Variants in MYOCD observed in about 807,000 individuals in gnomAD.
MYOCD encodes the protein myocardin.
A neutral mutation model predicts 96.1 loss-of-function variants in MYOCD; 32 were observed. The ratio of observed to expected loss-of-function variants is 0.33; its 90% CI spans 0.25 to 0.45. MYOCD has a LOEUF of 0.45. Ranked by LOEUF, MYOCD falls within the 20% of genes least tolerant of loss-of-function variation. MYOCD has a pLI of 1.00. For missense variants in MYOCD, 1,133 were observed against 1,200.6 expected, an observed-to-expected ratio of 0.94 and a Z score of 0.83; for synonymous variants, 469 against 469.0, an observed-to-expected ratio of 1.00 and a Z score of 0.00.
intron 9 of MYOCD, among the ~76,000 whole-genome samples, chr17:12,749,234 A>G (rs2032756690): frequency 6.6e-6 from 1 of 152,122 alleles, no homozygotes; most frequent in African/African-American, 2.4e-5. Context: ...TTGCTATTCA[A>G]AACGTGATTT....
chr17:12,715,785 C>A (rs1172319999), intron 3 of MYOCD, among the ~76,000 whole-genome samples: 1 of 152,100 alleles, frequency 6.6e-6, no homozygotes, highest in South Asian at 2.1e-4. Flanking sequence ...TATTTTTCAG[C>A]TTTTTTAAAA....
In MYOCD at chr17:12,699,037, C is replaced by T. The variant is rs983682978; in HGVS notation, c.56-6091C>T. Among the ~76,000 whole-genome samples the T allele has an allele frequency of 3.6e-4, 55 of 151,326 alleles. 1 individual carries two copies. Among genetic ancestry groups the T allele is most frequent in the South Asian group, 4.2e-4 (2 of 4,776 alleles). On this transcript the variant is annotated intron_variant, in intron 1 of 13. Coordinates refer to ENST00000425538, the MANE Select transcript of MYOCD (RefSeq NM_001146312.3). ...GATTACAGGCGTGAGCCACCGCGCC[C>T]GGCCCCAGACCCTCTTTAATGTCAT...
rs2031235950 is a variant in MYOCD at position 12,705,111 on chromosome 17, A to G, written c.56-17A>G. 1.9e-6 allele frequency: 3 copies of G among 1,591,636 alleles called. No individual in the cohort carries two copies. Among genetic ancestry groups the G allele is most frequent in the East Asian group, 2.2e-5 (1 of 44,716 alleles). The stretch of plus-strand genomic sequence containing the variant: ...GATATTTAGCCCAACTCACAAACTA[A>G]CACTCCCTTTTCTAAGTTTTACAGT... On this transcript the variant is annotated splice_polypyrimidine_tract_variant and intron_variant, in intron 1 of 13. Transcript: ENST00000425538.
rs569671851 is a variant in MYOCD at position 12,693,004 on chromosome 17, A to C, written c.56-12124A>C. On this transcript the variant is annotated intron_variant, in intron 1 of 13. Coordinates refer to ENST00000425538, the MANE Select transcript of MYOCD (RefSeq NM_001146312.3). Reference sequence around the variant, plus strand: ...AGAGATAGTATAGCTCCCATTCTTGAGTTGGAACCTAGTTCCAGCCCCGAG... The same window carrying C: ...AGAGATAGTATAGCTCCCATTCTTGCGTTGGAACCTAGTTCCAGCCCCGAG... Among the ~76,000 whole-genome samples the C allele has an allele frequency of 3.2e-3, 485 of 151,978 alleles. 3 individuals are homozygous for C. The highest frequency in any genetic ancestry group is 0.011 in the African/African-American group (466 of 41,270).
chr17:12,674,362 A>G (rs1567566224), intron 1 of MYOCD, among the ~76,000 whole-genome samples: 3 of 152,198 alleles, frequency 2.0e-5, no homozygotes, highest in Non-Finnish European at 4.4e-5. Context: ...TTGATTTCCT[A>G]AATAGTGATT....
intron 6 of MYOCD, among the ~76,000 whole-genome samples, chr17:12,736,995 C>T (rs1344545163): frequency 6.6e-6 from 1 of 152,222 alleles, no homozygotes; most frequent in Non-Finnish European, 1.5e-5. Context: ...TGGCTCACGC[C>T]TGCAATCCCG....
chr17:12,698,385 A>G lies in MYOCD; in HGVS notation c.56-6743A>G, dbSNP rs778193705. On this transcript the variant is annotated intron_variant, in intron 1 of 13. Transcript: ENST00000425538. ...TTTTGCATACAGCATCAGTGATTTA[A>G]CAGGGCCCTTGAAGACCAAGTTCTT... 4.8e-4 allele frequency among the ~76,000 whole-genome samples: 73 copies of G among 152,164 alleles called. 1 individual carries two copies. The highest frequency in any genetic ancestry group is 1.9e-4 in the Non-Finnish European group (13 of 68,024).
chr17:12,674,506 A>G (rs1909895326), intron 1 of MYOCD, among the ~76,000 whole-genome samples: 1 of 152,342 alleles, frequency 6.6e-6, no homozygotes, highest in East Asian at 1.9e-4. Flanking sequence ...AAATTTTTGA[A>G]AGGCAACAAG....
chr17:12,736,515 G>A (rs2032350805), intron 6 of MYOCD, among the ~76,000 whole-genome samples, 179 bp downstream of exon 6: 1 of 152,194 alleles, frequency 6.6e-6, no homozygotes, highest in African/African-American at 2.4e-5. Flanking sequence ...TCTGTGTGGG[G>A]TGACAAAAGC....
At chr17:12,739,119 G>T in intron 6 of MYOCD, 84 bp from the exon 7 acceptor site, 1 of 1,442,638 alleles carries the variant, frequency 6.9e-7, no homozygotes. Context: ...GAAAGCAGCA[G>T]AGGTATATAT....
At chr17:12,709,982 G>C (rs1272957351) in intron 2 of MYOCD, among the ~76,000 whole-genome samples, 1 of 152,180 alleles carries the variant, frequency 6.6e-6, no homozygotes, top group Non-Finnish European at 1.5e-5. Flanking sequence ...ACTGGTCATA[G>C]AGCATTTCAG....
At chr17:12,716,622 T>C (rs1312983766) in intron 3 of MYOCD, among the ~76,000 whole-genome samples, 1 of 152,074 alleles carries the variant, frequency 6.6e-6, no homozygotes, top group Non-Finnish European at 1.5e-5. Flanking sequence ...TACGTTGTCA[T>C]GTTATATTAG....
At chr17:12,749,717 A>ATACATATATGTATATATG (rs548373868) in intron 9 of MYOCD, among the ~76,000 whole-genome samples, 18 of 147,672 alleles carry the variant, frequency 1.2e-4, no homozygotes, top group South Asian at 2.1e-4. Context: ...GTGTATATAT[A>ATACATATATGTATATATG]TGTGTGTGTG....
rs1241631931 is a variant in MYOCD at position 12,763,860 on chromosome 17, TGC to T, written c.*217_*218del. On this transcript the variant is annotated 3_prime_UTR_variant, in exon 14 of 14. Transcript: ENST00000425538. ...CAGTAACTGTTAATGATTTCAACAA[TGC>T]ATTAAAAGAATGTGCTTTCTCAGAT... is the stretch of plus-strand genomic sequence containing the variant. 4.4e-6 allele frequency: 2 copies of T among 451,086 alleles called. No homozygotes were observed. Among genetic ancestry groups the T allele is most frequent in the African/African-American group, 4.0e-5 (2 of 49,670 alleles). The allele number at this position is 451,086 out of a possible 1,614,324, so 27.9% of individuals were successfully genotyped here.
At chr17:12,673,822 G>A (rs1187228148) in intron 1 of MYOCD, among the ~76,000 whole-genome samples, 1 of 152,168 alleles carries the variant, frequency 6.6e-6, no homozygotes, top group Non-Finnish European at 1.5e-5. Context: ...TCTATTTGGC[G>A]ATGAATGCTT....
At chr17:12,715,461 G>A (rs369270442) in intron 2 of MYOCD, 58 bp from the exon 3 acceptor site, 14 of 1,486,516 alleles carry the variant, frequency 9.4e-6, no homozygotes, top group African/African-American at 5.5e-5. Context: ...CAAACTCTGC[G>A]ATACAGACCA....
intron 1 of MYOCD, among the ~76,000 whole-genome samples, chr17:12,703,359 C>T (rs9303058): frequency 0.47 from 71,331 of 151,782 alleles, 18,613 homozygotes; most frequent in African/African-American, 0.72. Context: ...GTAGGGTTTA[C>T]TGAGCCTTTT....
intron 2 of MYOCD, among the ~76,000 whole-genome samples, chr17:12,707,666 A>T (rs2031341481): frequency 6.6e-6 from 1 of 152,158 alleles, no homozygotes; most frequent in South Asian, 2.1e-4. Flanking sequence ...GTGAGCAGAG[A>T]TCGCGCCACT....
intron 6 of MYOCD, among the ~76,000 whole-genome samples, chr17:12,736,835 G>A (rs1415537415): frequency 6.6e-6 from 1 of 152,214 alleles, no homozygotes; most frequent in Non-Finnish European, 1.5e-5. Flanking sequence ...TTTCTACCTA[G>A]CAAGCTGCAG....
Sources: allele counts gnomAD v4.1 joint callset (sites outside exome capture counted in the v4.1 genomes callset), GRCh38; gene constraint gnomAD v4.1.1; transcripts MANE v1.5; gene names NCBI Gene and HGNC (gene_info 2026-07-23, HGNC 2026-07-21).